The following MALRD1 variants were observed in gnomAD, a reference collection of about 807,000 sequenced individuals.
MALRD1 encodes the protein MAM and LDL-receptor class A domain-containing protein 1.
In MALRD1, 247 loss-of-function variants were observed where a neutral mutation model predicts 242.1. That is an observed-to-expected ratio of 1.02 (90% confidence interval 0.92 to 1.13). The LOEUF (loss-of-function observed/expected upper bound fraction) is 1.13. MALRD1 is among the 50% of genes most tolerant of loss of function. The pLI, the probability that MALRD1 is intolerant of heterozygous loss-of-function variation, is 0.00. For missense variants in MALRD1, 2,989 were observed against 2,533.1 expected, an observed-to-expected ratio of 1.18 and a Z score of -3.86; for synonymous variants, 995 against 866.6, an observed-to-expected ratio of 1.15 and a Z score of -2.60.
chr10:19,583,492 T>C (rs991350308), intron 33 of MALRD1, among the ~76,000 whole-genome samples: 32 of 150,508 alleles, frequency 2.1e-4, no homozygotes, highest in Admixed American at 4.6e-4. Context: ...CATGTGGTTT[T>C]TGTCTTTGGT....
chr10:19,594,752 A>G (rs562056345), intron 33 of MALRD1, among the ~76,000 whole-genome samples: 1 of 152,296 alleles, frequency 6.6e-6, no homozygotes, highest in East Asian at 1.9e-4. Flanking sequence ...TAAATATTGT[A>G]TATTCTCATG....
intron 33 of MALRD1, among the ~76,000 whole-genome samples, chr10:19,571,658 T>C (rs1271316173): frequency 1.3e-5 from 2 of 152,082 alleles, no homozygotes; most frequent in African/African-American, 4.8e-5. Context: ...CCACAATGAA[T>C]GTTTACTGAA....
chr10:19,318,390 A>G (rs1251575400), intron 21 of MALRD1, among the ~76,000 whole-genome samples: 1 of 151,808 alleles, frequency 6.6e-6, no homozygotes, highest in African/African-American at 2.4e-5. Flanking sequence ...CCTGCAGGTG[A>G]AAGGGGTATT....
At chr10:19,242,194 C>T (rs565793469) in intron 18 of MALRD1, among the ~76,000 whole-genome samples, 134 of 152,264 alleles carry the variant, frequency 8.8e-4, no homozygotes, top group African/African-American at 3.0e-3. Context: ...TACATGGTAG[C>T]AAACAAAATA....
intron 36 of MALRD1, among the ~76,000 whole-genome samples, chr10:19,637,522 A>T (rs1840193778): frequency 6.6e-6 from 1 of 152,188 alleles, no homozygotes; most frequent in South Asian, 2.1e-4. Context: ...TACCATGTTG[A>T]CCCGGCTCCA....
chr10:19,475,621 C>T (rs952194435), intron 29 of MALRD1, among the ~76,000 whole-genome samples: 10 of 151,996 alleles, frequency 6.6e-5, no homozygotes, highest in African/African-American at 2.4e-4. Context: ...TTATACATTC[C>T]CTAAATCTAA....
chr10:19,610,319 T>A (rs1355519191), intron 35 of MALRD1, among the ~76,000 whole-genome samples: 1 of 151,940 alleles, frequency 6.6e-6, no homozygotes, highest in Non-Finnish European at 1.5e-5. Flanking sequence ...CCAAAACTTA[T>A]TCCTTCTATC....
chr10:19,670,502 A>G (rs1042573519), intron 36 of MALRD1, among the ~76,000 whole-genome samples: 1 of 152,226 alleles, frequency 6.6e-6, no homozygotes, highest in Non-Finnish European at 1.5e-5. Context: ...ATCAACAAGC[A>G]GATTCACATG....
chr10:19,496,007 A>G (rs1244118843), intron 30 of MALRD1, among the ~76,000 whole-genome samples: 2 of 152,358 alleles, frequency 1.3e-5, no homozygotes, highest in East Asian at 3.9e-4. Context: ...ATTCAATTCA[A>G]CAAGAAGACC....
intron 4 of MALRD1, among the ~76,000 whole-genome samples, chr10:19,096,223 C>T (rs1489278529): frequency 6.6e-6 from 1 of 152,058 alleles, no homozygotes; most frequent in Non-Finnish European, 1.5e-5. Context: ...GTGATACATC[C>T]TGAGTTCTGA....
intron 36 of MALRD1, among the ~76,000 whole-genome samples, chr10:19,646,011 A>G (rs1840641083): frequency 1.3e-5 from 2 of 152,210 alleles, no homozygotes; most frequent in African/African-American, 4.8e-5. Flanking sequence ...TGTGAACTAA[A>G]TGTAAGTTTT....
intron 26 of MALRD1, among the ~76,000 whole-genome samples, chr10:19,359,467 A>T (rs1217705897): frequency 2.6e-5 from 4 of 152,204 alleles, no homozygotes; most frequent in Middle Eastern, 3.4e-3. Flanking sequence ...GTAGCAAGGG[A>T]GGCTGTTCAT....
At chr10:19,309,303 A>G (rs899120008) in intron 21 of MALRD1, among the ~76,000 whole-genome samples, 2 of 151,462 alleles carry the variant, frequency 1.3e-5, no homozygotes, top group African/African-American at 4.8e-5. Flanking sequence ...ACACTCACCA[A>G]TATTTAAGAA....
chr10:19,485,478 C>T (rs1837194300), intron 29 of MALRD1, among the ~76,000 whole-genome samples: 2 of 151,892 alleles, frequency 1.3e-5, no homozygotes, highest in African/African-American at 2.4e-5. Context: ...CCCGTCTCTA[C>T]TAAAAATACA....
At chr10:19,522,541 T>C (rs1006495724) in intron 31 of MALRD1, among the ~76,000 whole-genome samples, 1 of 152,194 alleles carries the variant, frequency 6.6e-6, no homozygotes, top group South Asian at 2.1e-4. Flanking sequence ...GGATGGCCTG[T>C]CTTTCAGTGG....
chr10:19,655,218 C>G (rs894717995), intron 36 of MALRD1, among the ~76,000 whole-genome samples: 3 of 151,762 alleles, frequency 2.0e-5, no homozygotes, highest in Admixed American at 1.3e-4. Context: ...GTCTTTTGGT[C>G]AAATTAATTT....
intron 31 of MALRD1, among the ~76,000 whole-genome samples, chr10:19,515,094 CT>C (rs1320956020): frequency 2.7e-5 from 4 of 149,030 alleles, no homozygotes; most frequent in Non-Finnish European, 5.9e-5. Context: ...AAAAAAAAAT[CT>C]TTTTTACTTA....
intron 12 of MALRD1, among the ~76,000 whole-genome samples, chr10:19,160,017 C>T (rs1834328675): frequency 6.6e-6 from 1 of 152,100 alleles, no homozygotes; most frequent in African/African-American, 2.4e-5. Flanking sequence ...TTTTTAACCA[C>T]ATGAAATTCT....
intron 21 of MALRD1, among the ~76,000 whole-genome samples, chr10:19,303,070 T>C (rs1027861650): frequency 6.6e-6 from 1 of 151,252 alleles, no homozygotes; most frequent in East Asian, 2.0e-4. Flanking sequence ...AAATACGCAA[T>C]TGAAAGACAA....
Sources: allele counts gnomAD v4.1 joint callset (sites outside exome capture counted in the v4.1 genomes callset), GRCh38; gene constraint gnomAD v4.1.1; transcripts MANE v1.5; gene names NCBI Gene and HGNC (gene_info 2026-07-23, HGNC 2026-07-21).